The following PPP1R9A variants were observed in gnomAD, a reference collection of about 807,000 sequenced individuals.
PPP1R9A encodes the protein protein phosphatase 1 regulatory subunit 9A.
Under a neutral mutation model 141.9 loss-of-function variants are expected in PPP1R9A, and 59 were observed. That is an observed-to-expected ratio of 0.42 (90% confidence interval 0.34 to 0.52). PPP1R9A has a LOEUF of 0.52. PPP1R9A is among the 20% of genes least tolerant of loss of function. PPP1R9A has a pLI of 0.10. For missense variants in PPP1R9A, 1,444 were observed against 1,611.9 expected (o/e 0.90, Z 1.78); for synonymous variants, 500 against 569.7 (o/e 0.88, Z 1.74).
At chr7:95,187,527 A>G (rs1834825182) in intron 5 of PPP1R9A, among the ~76,000 whole-genome samples, 1 of 151,810 alleles carries the variant, frequency 6.6e-6, no homozygotes, top group African/African-American at 2.4e-5. Context: ...TTCTGCTCTA[A>G]TGTTGGTTCT....
chr7:94,951,584 T>C (rs1435579608), intron 2 of PPP1R9A, among the ~76,000 whole-genome samples: 3 of 152,122 alleles, frequency 2.0e-5, no homozygotes, highest in Non-Finnish European at 4.4e-5. Context: ...TTGTTGTATT[T>C]TATGTTTTTA....
chr7:95,150,508 T>A (rs748826362), intron 4 of PPP1R9A, among the ~76,000 whole-genome samples: 2 of 152,146 alleles, frequency 1.3e-5, no homozygotes, highest in Non-Finnish European at 2.9e-5. Flanking sequence ...TTTCACCGTA[T>A]TGGCCATGCT....
intron 5 of PPP1R9A, among the ~76,000 whole-genome samples, chr7:95,188,448 T>C (rs572989951): frequency 4.6e-5 from 7 of 152,168 alleles, no homozygotes; most frequent in South Asian, 2.1e-4. Context: ...TACCATTCTG[T>C]ATCTTTTAAG....
intron 2 of PPP1R9A, among the ~76,000 whole-genome samples, chr7:94,948,965 C>T (rs966592368): frequency 9.9e-5 from 15 of 152,090 alleles, no homozygotes; most frequent in Non-Finnish European, 5.9e-5. Flanking sequence ...AAAACTTTGG[C>T]CTTAACATTC....
At chr7:95,282,066 A>G (rs1340964823) in intron 16 of PPP1R9A, among the ~76,000 whole-genome samples, 4 of 149,386 alleles carry the variant, frequency 2.7e-5, no homozygotes. Context: ...CAAGCCTCAG[A>G]AAATAAATTA....
rs1801705259 is a variant in PPP1R9A, at chr7:94,992,978, T to C, written c.1395+81470T>C. On this transcript the variant is annotated intron_variant, in intron 2 of 19. Transcript: ENST00000433360. ...TTTGGTTAATCCAAGGTCACAAATA[T>C]ATTCTACTTTTTCTTCTAGATTTTT... 3.3e-5 allele frequency among the ~76,000 whole-genome samples: 5 copies of C among 152,080 alleles called. No homozygotes were observed. The South Asian group carries it at 1.0e-3, about 31-fold the overall frequency.
At chr7:94,996,799 G>GTTTT (rs34164253) in intron 2 of PPP1R9A, among the ~76,000 whole-genome samples, 3 of 111,644 alleles carry the variant, frequency 2.7e-5, no homozygotes, top group Admixed American at 9.8e-5. Flanking sequence ...GATACTCTGT[G>GTTTT]TTTTTTTTTT....
chr7:94,987,378 T>C (rs1281241875), intron 2 of PPP1R9A, among the ~76,000 whole-genome samples: 1 of 152,180 alleles, frequency 6.6e-6, no homozygotes, highest in Non-Finnish European at 1.5e-5. Flanking sequence ...GAAAACAGTA[T>C]CTTAACTATA....
intron 2 of PPP1R9A, among the ~76,000 whole-genome samples, chr7:95,090,877 C>T (rs1033632122): frequency 6.6e-6 from 1 of 151,882 alleles, no homozygotes; most frequent in African/African-American, 2.4e-5. Context: ...TATGTATTTA[C>T]ATAATTGGGA....
chr7:95,055,467 A>G (rs73724193), intron 2 of PPP1R9A, among the ~76,000 whole-genome samples: 6,853 of 152,190 alleles, frequency 0.045, 227 homozygotes, highest in African/African-American at 0.083. Flanking sequence ...CCACTACTTA[A>G]CACCCACCCC....
chr7:94,970,716 A>G (rs1584449751), intron 2 of PPP1R9A, among the ~76,000 whole-genome samples: 2 of 147,658 alleles, frequency 1.4e-5, no homozygotes, highest in African/African-American at 5.0e-5. Context: ...GCATATTGCA[A>G]CCTCCGCCTC....
At chr7:95,151,064 T>C (rs905570909) in intron 4 of PPP1R9A, among the ~76,000 whole-genome samples, 1 of 152,222 alleles carries the variant, frequency 6.6e-6, no homozygotes, top group Non-Finnish European at 1.5e-5. Flanking sequence ...CTAGTGGGAA[T>C]GCAAAATGGT....
chr7:95,059,405 A>C (rs1811923699), intron 2 of PPP1R9A, among the ~76,000 whole-genome samples: 1 of 151,950 alleles, frequency 6.6e-6, no homozygotes, highest in Non-Finnish European at 1.5e-5. Context: ...TCCTGTGAAA[A>C]CCCCACTTTT....
chr7:95,256,201 A>AT (rs1799560572), intron 12 of PPP1R9A, among the ~76,000 whole-genome samples: 2 of 152,030 alleles, frequency 1.3e-5, no homozygotes, highest in South Asian at 4.1e-4. Context: ...CAAAAAAAAA[A>AT]AAAGTGACAT....
intron 5 of PPP1R9A, among the ~76,000 whole-genome samples, chr7:95,198,090 CAT>C (rs1836552403): frequency 6.6e-6 from 1 of 152,142 alleles, no homozygotes; most frequent in African/African-American, 2.4e-5. Context: ...ACGTATATTA[CAT>C]CTTCTCTTAA....
intron 14 of PPP1R9A, among the ~76,000 whole-genome samples, chr7:95,270,224 A>G (rs1194632232): frequency 6.6e-6 from 1 of 152,172 alleles, no homozygotes; most frequent in East Asian, 1.9e-4. Flanking sequence ...CTGGTCTAGA[A>G]GTATATTTTC....
chr7:95,057,122 TGTTGA>T (rs1811607909), intron 2 of PPP1R9A, among the ~76,000 whole-genome samples: 2 of 152,134 alleles, frequency 1.3e-5, no homozygotes. Context: ...TTGGCTTTCA[TGTTGA>T]GTTGTCTTTT....
chr7:94,982,341 G>C (rs1324734932), intron 2 of PPP1R9A, among the ~76,000 whole-genome samples: 3 of 152,200 alleles, frequency 2.0e-5, no homozygotes, highest in Non-Finnish European at 2.9e-5. Context: ...TATATACCCA[G>C]TAATGGGATC....
At chr7:95,197,147 AAGAC>A (rs764112213) in intron 5 of PPP1R9A, among the ~76,000 whole-genome samples, 2 of 152,166 alleles carry the variant, frequency 1.3e-5, no homozygotes, top group Non-Finnish European at 2.9e-5. Context: ...AAATTGATCA[AAGAC>A]AGCAACATAC....
Sources: gnomAD v4.1 joint callset for allele counts (sites outside exome capture counted in the v4.1 genomes callset) on GRCh38, gnomAD v4.1.1 for gene constraint, MANE v1.5 for transcripts, NCBI Gene and HGNC (gene_info 2026-07-23, HGNC 2026-07-21) for gene names.